CALCR: variants seen among roughly 807,000 people sequenced by gnomAD.
The protein encoded by CALCR is calcitonin receptor.
Under a neutral mutation model 59.5 loss-of-function variants are expected in CALCR, and 47 were observed. The observed-to-expected ratio is 0.79, with a 90% confidence interval of 0.63 to 1.01. CALCR has a LOEUF of 1.01. Ranked by LOEUF, CALCR falls within the 50% of genes least tolerant of loss-of-function variation. The pLI, the probability that CALCR is intolerant of heterozygous loss-of-function variation, is 0.00. For synonymous variants in CALCR, 213 were observed against 211.3 expected, an observed-to-expected ratio of 1.01 and a Z score of -0.07; for missense variants, 566 against 597.1, an observed-to-expected ratio of 0.95 and a Z score of 0.54.
intron 8 of CALCR, among the ~76,000 whole-genome samples, chr7:93,445,080 G>T (rs781441901): frequency 6.6e-6 from 1 of 152,030 alleles, no homozygotes; most frequent in Admixed American, 6.6e-5. Flanking sequence ...GGCAGATATG[G>T]CATTGTCAGA....
At chr7:93,516,654 AAG>A (rs1491189758) in intron 2 of CALCR, among the ~76,000 whole-genome samples, 1 of 151,882 alleles carries the variant, frequency 6.6e-6, no homozygotes, top group Non-Finnish European at 1.5e-5. Context: ...ATGCATGTCA[AAG>A]AGAGTCGAGA....
chr7:93,513,856 A>G (rs1004336432), intron 2 of CALCR, among the ~76,000 whole-genome samples: 1 of 151,758 alleles, frequency 6.6e-6, no homozygotes, highest in Non-Finnish European at 1.5e-5. Context: ...TATTTATTTC[A>G]TTTACAAATA....
At chr7:93,458,563 C>T (rs1446012000) in intron 8 of CALCR, among the ~76,000 whole-genome samples, 1 of 152,142 alleles carries the variant, frequency 6.6e-6, no homozygotes, top group Non-Finnish European at 1.5e-5. Flanking sequence ...TCTGGTTGAG[C>T]TCAGCTATGG....
At chr7:93,498,474 C>A (rs561815689) in intron 2 of CALCR, among the ~76,000 whole-genome samples, 1 of 151,622 alleles carries the variant, frequency 6.6e-6, no homozygotes, top group Non-Finnish European at 1.5e-5. Context: ...GGCATTGTAA[C>A]CTCACGTATA....
chr7:93,499,363 T>C (rs1801274956), intron 2 of CALCR, among the ~76,000 whole-genome samples: 1 of 151,742 alleles, frequency 6.6e-6, no homozygotes, highest in East Asian at 1.9e-4. Flanking sequence ...AATTCGCAAG[T>C]ATGTTAGGAT....
intron 2 of CALCR, among the ~76,000 whole-genome samples, chr7:93,562,142 A>G (rs547127236): frequency 1.5e-4 from 23 of 151,780 alleles, no homozygotes; most frequent in African/African-American, 5.1e-4. Flanking sequence ...ATTAGTAATA[A>G]TAGTAATTAT....
intron 11 of CALCR, 79 bp downstream of exon 11, chr7:93,437,981 T>C (rs1799815875): frequency 5.2e-6 from 6 of 1,163,342 alleles, no homozygotes; most frequent in Admixed American, 1.9e-5. Flanking sequence ...ATAAAACATA[T>C]GATACATAGA....
rs754317267 is a variant in CALCR, at chr7:93,548,839, AGTGTGTGTGT to A, written c.-27+25440_-27+25449del. On this transcript the variant is annotated intron_variant, in intron 2 of 13. Coordinates refer to ENST00000426151, the MANE Select transcript of CALCR (RefSeq NM_001742.4). The stretch of plus-strand genomic sequence containing the variant: ...AATTGCAATAATTCAATCCAGAAGA[AGTGTGTGTGT>A]GTGTGTGTGTGTGTGTGTGTGTGTG... 2.4e-3 allele frequency among the ~76,000 whole-genome samples: 334 copies of A among 137,438 alleles called. 4 individuals carry two copies. The highest frequency in any genetic ancestry group is 7.9e-3 in the African/African-American group (306 of 38,728). 90.2% of individuals were successfully genotyped at this position (137,438 alleles called of 152,430 possible).
chr7:93,429,139 G>A (rs1017736922), intron 13 of CALCR, among the ~76,000 whole-genome samples: 4 of 152,124 alleles, frequency 2.6e-5, no homozygotes, highest in African/African-American at 9.7e-5. Context: ...CTTTTGTGTG[G>A]AGATGGCAAT....
chr7:93,513,428 T>C (rs1428729570), intron 2 of CALCR, among the ~76,000 whole-genome samples: 1 of 152,174 alleles, frequency 6.6e-6, no homozygotes, highest in Non-Finnish European at 1.5e-5. Context: ...ACAGAATAGC[T>C]GGTTTTAAAA....
intron 2 of CALCR, among the ~76,000 whole-genome samples, chr7:93,550,640 CG>C (rs1789431371): frequency 6.8e-5 from 10 of 146,738 alleles, no homozygotes; most frequent in South Asian, 2.2e-4. Context: ...CACACACACA[CG>C]AGAGACAGAG....
At chr7:93,507,506 G>A (rs1801449991) in intron 2 of CALCR, among the ~76,000 whole-genome samples, 1 of 151,752 alleles carries the variant, frequency 6.6e-6, no homozygotes. Flanking sequence ...GTTGAATCAG[G>A]TGCCAAGGAA....
In CALCR at chr7:93,438,226, C is replaced by T. The variant is rs151185621; in HGVS notation, c.847G>A (p.Val283Met). The T allele has an allele frequency of 4.9e-5, 79 of 1,612,520 alleles. No individual in the cohort carries two copies. In the Middle Eastern group the frequency reaches 5.0e-4, roughly 10 times the overall value. ...PTTIHAITRAVYFNDNCWLSV... is the reference protein window; with the variant it reads ...PTTIHAITRAMYFNDNCWLSV... ...AATACTTACTTGTCATTGAAGTACA[C>T]GGCCCTGGTAATAGCATGGATAGTG... Residue 283 changes from valine to methionine, a missense_variant, in exon 10 of 14, where the codon GTG becomes ATG. Coordinates refer to ENST00000426151, the MANE Select transcript of CALCR (RefSeq NM_001742.4).
At chr7:93,478,636 A>AAT (rs10543619) in intron 4 of CALCR, among the ~76,000 whole-genome samples, 383 of 147,542 alleles carry the variant, frequency 2.6e-3, no homozygotes, top group East Asian at 7.9e-3. Context: ...CCCTGTCTTA[A>AAT]ATATATATAT....
chr7:93,517,304 C>CTTTTTTTTTTTCTT (rs753908420), intron 2 of CALCR, among the ~76,000 whole-genome samples: 15 of 147,202 alleles, frequency 1.0e-4, no homozygotes, highest in Middle Eastern at 3.4e-3. Context: ...GATTTGAGAA[C>CTTTTTTTTTTTCTT]TTTTTTTTTT....
chr7:93,487,639 T>C (rs1242388875), intron 2 of CALCR, among the ~76,000 whole-genome samples: 1 of 151,318 alleles, frequency 6.6e-6, no homozygotes, highest in Non-Finnish European at 1.5e-5. Flanking sequence ...TATCAAATGG[T>C]TTTTCATGGC....
intron 2 of CALCR, among the ~76,000 whole-genome samples, chr7:93,504,358 G>A (rs1801382582): frequency 6.6e-6 from 1 of 152,122 alleles, no homozygotes; most frequent in South Asian, 2.1e-4. Context: ...TTCTGTGCTG[G>A]AAATAAGGAA....
chr7:93,455,228 G>GT lies in CALCR; in HGVS notation c.648+5592dup, dbSNP rs200415446. On this transcript the variant is annotated intron_variant, in intron 8 of 13. Transcript: ENST00000426151. ...TGTCTTTAAAAATTATGTATTGTGGGTTTTTTTTGAAGAAAACATATGCCC... is the reference window on the plus strand; with the variant it reads ...TGTCTTTAAAAATTATGTATTGTGGGTTTTTTTTTGAAGAAAACATATGCCC... 4.8e-3 allele frequency among the ~76,000 whole-genome samples: 730 copies of GT among 151,598 alleles called. 4 individuals are homozygous for GT. The highest frequency in any genetic ancestry group is 0.016 in the African/African-American group (674 of 41,362).
At chr7:93,565,007 G>C (rs76377844) in intron 2 of CALCR, among the ~76,000 whole-genome samples, 1 of 152,146 alleles carries the variant, frequency 6.6e-6, no homozygotes, top group Non-Finnish European at 1.5e-5. Context: ...GGACATGAGA[G>C]ACAAGTTCTG....
Sources: allele counts gnomAD v4.1 joint callset (sites outside exome capture counted in the v4.1 genomes callset), GRCh38; gene constraint gnomAD v4.1.1; transcripts MANE v1.5; gene names NCBI Gene and HGNC (gene_info 2026-07-23, HGNC 2026-07-21).